Variants in CADM1 observed in about 807,000 individuals in gnomAD.
CADM1 encodes cell adhesion molecule 1.
In CADM1, 15 loss-of-function variants were observed where a neutral mutation model predicts 53.1. The ratio of observed to expected loss-of-function variants is 0.28; its 90% CI spans 0.19 to 0.44. CADM1 has a LOEUF of 0.44. CADM1 is among the 20% of genes least tolerant of loss of function. The probability of loss-of-function intolerance (pLI) is 1.00; values close to 1 mark genes in which losing one functional copy is unlikely to be tolerated. For missense variants in CADM1, 434 were observed against 611.3 expected, an observed-to-expected ratio of 0.71 and a Z score of 3.06; for synonymous variants, 281 against 243.0, an observed-to-expected ratio of 1.16 and a Z score of -1.45.
intron 1 of CADM1, among the ~76,000 whole-genome samples, chr11:115,394,704 T>C (rs1946947970): frequency 6.6e-6 from 1 of 152,168 alleles, no homozygotes; most frequent in Non-Finnish European, 1.5e-5. Context: ...TGGAACCCAA[T>C]GTCAAAAACT....
intron 5 of CADM1, among the ~76,000 whole-genome samples, chr11:115,223,300 CCGATGTGTCT>C (rs1193431400): frequency 6.6e-6 from 1 of 152,188 alleles, no homozygotes; most frequent in African/African-American, 2.4e-5. Context: ...TTTAGCACTT[CCGATGTGTCT>C]CTAAGTGGTG....
intron 1 of CADM1, among the ~76,000 whole-genome samples, chr11:115,355,933 A>T (rs943418063): frequency 6.6e-6 from 1 of 152,160 alleles, no homozygotes; most frequent in Admixed American, 6.5e-5. Flanking sequence ...CCTGGGTTCA[A>T]GTGATTCTCC....
At position 115,504,070 on chromosome 11, in the gene CADM1, C is replaced by T. The variant is rs1388229515; in HGVS notation, c.124+201G>A. 2.0e-5 allele frequency among the ~76,000 whole-genome samples: 3 copies of T among 152,158 alleles called. No homozygotes were observed. The East Asian group carries it at 5.9e-4, about 30-fold the overall frequency. The stretch of plus-strand genomic sequence containing the variant: ...CCATCCCTGGGGACTCTCATTCACA[C>T]TTAGCCGGGCAGGGGAGAAGGGGCT... On this transcript the variant is annotated intron_variant, in intron 1 of 11. Transcript: ENST00000331581.
chr11:115,232,801 G>T (rs1941867857), intron 3 of CADM1, among the ~76,000 whole-genome samples: 1 of 152,110 alleles, frequency 6.6e-6, no homozygotes, highest in Non-Finnish European at 1.5e-5. Context: ...GTGAATCTAA[G>T]AATATATGTC....
At chr11:115,404,643 T>A (rs4938203) in intron 1 of CADM1, among the ~76,000 whole-genome samples, 53,291 of 149,700 alleles carry the variant, frequency 0.36, 10,136 homozygotes, top group Non-Finnish European at 0.44. Context: ...ATATACTTAA[T>A]TGCATATAAC....
intron 1 of CADM1, among the ~76,000 whole-genome samples, chr11:115,244,920 T>C (rs939267428): frequency 2.0e-5 from 3 of 152,216 alleles, no homozygotes; most frequent in African/African-American, 7.2e-5. Context: ...AAGCCTTTAT[T>C]ACCAGTGCAT....
At chr11:115,326,137 G>A (rs1944953074) in intron 1 of CADM1, among the ~76,000 whole-genome samples, 1 of 152,068 alleles carries the variant, frequency 6.6e-6, no homozygotes, top group African/African-American at 2.4e-5. Context: ...ACAGGAAGCA[G>A]GTATTCTATG....
At chr11:115,423,724 C>G (rs1341533277) in intron 1 of CADM1, among the ~76,000 whole-genome samples, 1 of 152,162 alleles carries the variant, frequency 6.6e-6, no homozygotes, top group Non-Finnish European at 1.5e-5. Flanking sequence ...ATGCAGAACA[C>G]ATACATGTTT....
chr11:115,455,511 T>G (rs1948665189), intron 1 of CADM1, among the ~76,000 whole-genome samples: 1 of 152,106 alleles, frequency 6.6e-6, no homozygotes, highest in South Asian at 2.1e-4. Context: ...ATGAAGCCCC[T>G]GGAATGTTCA....
intron 6 of CADM1, among the ~76,000 whole-genome samples, chr11:115,215,429 C>T (rs1417293785): frequency 1.3e-5 from 2 of 152,138 alleles, no homozygotes; most frequent in African/African-American, 2.4e-5. Context: ...CTATCTGTTC[C>T]TTGGCAAATT....
In CADM1 at chr11:115,198,393, A is replaced by G. The variant is rs1940263093; in HGVS notation, c.1111+13T>C. The G allele has an allele frequency of 1.3e-6, 2 of 1,590,448 alleles. No homozygotes were observed. Among genetic ancestry groups the G allele is most frequent in the Non-Finnish European group, 1.7e-6 (2 of 1,174,854 alleles). On this transcript the variant is annotated intron_variant, in intron 9 of 11. Coordinates refer to ENST00000331581, the MANE Select transcript of CADM1 (RefSeq NM_001301043.2). ...GTGCTGAGAAAGTAGATAAACAGTA[A>G]TGTGATACCAACCGTGAACTGCTGG...
intron 1 of CADM1, among the ~76,000 whole-genome samples, chr11:115,434,864 T>TA (rs1402257558): frequency 1.3e-3 from 161 of 125,362 alleles, no homozygotes; most frequent in African/African-American, 4.6e-3. Flanking sequence ...ATTATTATTA[T>TA]TTTTTTTTTT....
Position 115,368,772 on chromosome 11 carries a change from T to C in CADM1, c.125-128352A>G, listed in dbSNP as rs112388386. Among the ~76,000 whole-genome samples, 1,291 of 152,194 alleles carry C rather than the reference T, an allele frequency of 8.5e-3. 18 individuals are homozygous for C. The highest frequency in any genetic ancestry group is 0.028 in the African/African-American group (1,153 of 41,538). On this transcript the variant is annotated intron_variant, in intron 1 of 11. Coordinates refer to ENST00000331581, the MANE Select transcript of CADM1 (RefSeq NM_001301043.2). ...TGAATAATAACTCCTAGTACAGTAC[T>C]GTCCAACAGAAGTTTCTGCAGTGTC...
intron 1 of CADM1, among the ~76,000 whole-genome samples, chr11:115,290,691 T>A (rs1322372943): frequency 3.3e-5 from 5 of 151,466 alleles, no homozygotes; most frequent in Non-Finnish European, 5.9e-5. Flanking sequence ...ATAAGGAAAA[T>A]AAAAGGAGGA....
chr11:115,349,271 T>A (rs1218192750), intron 1 of CADM1, among the ~76,000 whole-genome samples: 1 of 152,192 alleles, frequency 6.6e-6, no homozygotes, highest in Non-Finnish European at 1.5e-5. Context: ...GACTAAAATA[T>A]AAACCTATTA....
chr11:115,237,578 T>C lies in CADM1; in HGVS notation c.424+922A>G, dbSNP rs1462419421. ...CTTTCCTCTTTAATCTTCCTATCAT[T>C]ACACTGAAAAGCTGCAGTCTGCCGC... On this transcript the variant is annotated intron_variant, in intron 3 of 11. Coordinates refer to ENST00000331581, the MANE Select transcript of CADM1 (RefSeq NM_001301043.2). Among the ~76,000 whole-genome samples, 3 of 152,318 alleles carry C rather than the reference T, an allele frequency of 2.0e-5. No individual in the cohort carries two copies. In the East Asian group the frequency reaches 5.8e-4, roughly 29 times the overall value.
intron 8 of CADM1, among the ~76,000 whole-genome samples, chr11:115,199,655 C>T (rs1940327606): frequency 6.6e-6 from 1 of 152,214 alleles, no homozygotes; most frequent in South Asian, 2.1e-4. Flanking sequence ...CCAATGTCAA[C>T]CCATCTGGCC....
chr11:115,292,275 A>AC (rs1164311065), intron 1 of CADM1, among the ~76,000 whole-genome samples: 1 of 152,228 alleles, frequency 6.6e-6, no homozygotes, highest in African/African-American at 2.4e-5. Flanking sequence ...TACCTGTAAG[A>AC]CTGTATCATT....
intron 1 of CADM1, among the ~76,000 whole-genome samples, chr11:115,295,519 T>TATATATATATATATATATATATATATA (rs1944035141): frequency 1.4e-5 from 1 of 69,532 alleles, no homozygotes; most frequent in Non-Finnish European, 2.3e-5. Flanking sequence ...TATATATATA[T>TATATATATATATATATATATATATATA]ATATATATAT....
Sources: allele counts gnomAD v4.1 joint callset (sites outside exome capture counted in the v4.1 genomes callset), GRCh38; gene constraint gnomAD v4.1.1; transcripts MANE v1.5; gene names NCBI Gene and HGNC (gene_info 2026-07-23, HGNC 2026-07-21).